The following C8B variants were observed in gnomAD, a reference collection of about 807,000 sequenced individuals.
C8B encodes the protein complement component C8 beta chain.
In C8B, 67 loss-of-function variants were observed where a neutral mutation model predicts 64.6. The observed-to-expected ratio is 1.04, with a 90% CI of 0.85 to 1.27. The LOEUF is 1.27. Among genes scored for constraint, C8B ranks in the 50% most tolerant of loss-of-function variants. The pLI is 0.00. For synonymous variants in C8B, 284 were observed against 257.7 expected (o/e 1.10, Z -0.98); for missense variants, 790 against 725.2 (o/e 1.09, Z -1.03).
Position 56,943,767 on chromosome 1 carries a change from GCAC to G in C8B, c.1160_1162del (p.Gly387del). 1 of 1,613,964 alleles carries G rather than the reference GCAC, an allele frequency of 6.2e-7. No individual in the cohort carries two copies. The highest frequency in any genetic ancestry group is 8.5e-7 in the Non-Finnish European group (1 of 1,179,918). Reference sequence around the variant, plus strand: ...CAGACTGACGTAGACCTCTTCAATGGCACCACCAATTTTAAAATCATTTTTGGC... The same window carrying G: ...CAGACTGACGTAGACCTCTTCAATGGCACCAATTTTAAAATCATTTTTGGC... On this transcript the variant is annotated inframe_deletion, in exon 8 of 12. Transcript: ENST00000371237.
At chr1:56,957,735 C>A (rs1645122831) in intron 2 of C8B, among the ~76,000 whole-genome samples, 1 of 152,110 alleles carries the variant, frequency 6.6e-6, no homozygotes, top group Admixed American at 6.5e-5. Context: ...ATTGTATCCC[C>A]TAGCCTGTTC....
rs1398395381 is a variant in C8B at position 56,945,820 on chromosome 1, C to T, written c.1105+1G>A. 25 of 1,613,986 alleles carry T rather than the reference C, an allele frequency of 1.5e-5. No homozygotes were observed. The highest frequency in any genetic ancestry group is 2.0e-5 in the Non-Finnish European group (24 of 1,180,012). The stretch of plus-strand genomic sequence containing the variant: ...AAGCCATGGTCCCTTGGGCAGTATA[C>T]CTCCTCTCTCCATGGCCTCTTTGTT... On this transcript the variant is annotated splice_donor_variant, in intron 7 of 11. Coordinates refer to ENST00000371237, the MANE Select transcript of C8B (RefSeq NM_000066.4). LOFTEE classifies it high-confidence loss of function.
intron 5 of C8B, among the ~76,000 whole-genome samples, chr1:56,950,443 C>A (rs1645003521): frequency 6.6e-6 from 1 of 152,206 alleles, no homozygotes. Context: ...TGCTCTAAAA[C>A]CAGTGTTCAT....
chr1:56,939,180 T>G (rs1438632225), intron 9 of C8B, among the ~76,000 whole-genome samples: 1 of 152,230 alleles, frequency 6.6e-6, no homozygotes, highest in East Asian at 1.9e-4. Flanking sequence ...GAAAAAGAGA[T>G]AAAGGCTAGG....
chr1:56,931,622 T>G, intron 11 of C8B, 188 bp downstream of exon 11: 1 of 577,520 alleles, frequency 1.7e-6, no homozygotes, highest in South Asian at 1.8e-5. Context: ...GTAAAAATAA[T>G]GAAATGCATA....
chr1:56,931,465 T>C (rs987157529), intron 11 of C8B: 3 of 336,380 alleles, frequency 8.9e-6, no homozygotes, highest in South Asian at 7.4e-5. Flanking sequence ...GAATTTTTTA[T>C]GGAGGAGGGG....
intron 6 of C8B, 27 bp downstream of exon 6, chr1:56,949,528 G>T: frequency 6.3e-7 from 1 of 1,584,902 alleles, no homozygotes; most frequent in Non-Finnish European, 8.7e-7. Context: ...CAACATATAC[G>T]TTTAAAAGCA....
At chr1:56,932,891 G>A (rs1644722695) in intron 10 of C8B, among the ~76,000 whole-genome samples, 1 of 152,076 alleles carries the variant, frequency 6.6e-6, no homozygotes, top group Admixed American at 6.5e-5. Flanking sequence ...ATCACAACAG[G>A]AGCATAAGAT....
At chr1:56,929,778 C>T (rs1447326502) in intron 11 of C8B, among the ~76,000 whole-genome samples, 1 of 152,184 alleles carries the variant, frequency 6.6e-6, no homozygotes, top group African/African-American at 2.4e-5. Context: ...CCCTCCTCTA[C>T]TCACCTGGTC....
chr1:56,953,468 C>A (rs1645055670), intron 4 of C8B, among the ~76,000 whole-genome samples: 1 of 152,126 alleles, frequency 6.6e-6, no homozygotes, highest in Admixed American at 6.5e-5. Context: ...ACTATTATCC[C>A]CATTTTGCAG....
At chr1:56,941,580 G>A (rs1055599762) in intron 8 of C8B, among the ~76,000 whole-genome samples, 2 of 152,180 alleles carry the variant, frequency 1.3e-5, no homozygotes, top group African/African-American at 4.8e-5. Flanking sequence ...CAGACAGGTA[G>A]ATGGATAGAT....
intron 9 of C8B, among the ~76,000 whole-genome samples, chr1:56,933,760 C>A (rs922436569): frequency 6.6e-6 from 1 of 152,180 alleles, no homozygotes; most frequent in African/African-American, 2.4e-5. Flanking sequence ...TCCCTACTCT[C>A]AAGGAACTCA....
intron 9 of C8B, among the ~76,000 whole-genome samples, chr1:56,936,032 A>G (rs1448311888): frequency 1.3e-5 from 2 of 151,890 alleles, no homozygotes; most frequent in African/African-American, 4.8e-5. Flanking sequence ...AATGTATTCA[A>G]CTCTTCTTCT....
chr1:56,952,300 C>T, intron 4 of C8B, 120 bp from the exon 5 acceptor site: 1 of 1,378,092 alleles, frequency 7.3e-7, no homozygotes, highest in South Asian at 1.2e-5. Flanking sequence ...GCCCTTGATA[C>T]CTGGTCCAAG....
In C8B at chr1:56,940,882, A is replaced by G. The variant is rs749798944; in HGVS notation, c.1365T>C (p.Ala455=). 4 of 1,613,934 alleles carry G rather than the reference A, an allele frequency of 2.5e-6. No homozygotes were observed. The Admixed American group carries it at 5.0e-5, about 20-fold the overall frequency. Residue 455 remains alanine, a synonymous_variant, in exon 9 of 12, where the codon GCT becomes GCC. Coordinates refer to ENST00000371237, the MANE Select transcript of C8B (RefSeq NM_000066.4). ...TADLMQEWGD[A]VQYNPAIIKV... is the part of the protein sequence containing the mutation. ...TGATGATGGCTGGGTTGTACTGCAC[A>G]GCGTCTCCCCACTCCTGCATCAGGT...
At position 56,965,907 on chromosome 1, in the gene C8B, C is replaced by A. The variant is rs768954077; in HGVS notation, c.42G>T (p.Glu14Asp). 3.1e-6 allele frequency: 5 copies of A among 1,613,878 alleles called. No individual in the cohort carries two copies. The highest frequency in any genetic ancestry group is 3.4e-6 in the Non-Finnish European group (4 of 1,180,028). ...SRTWAWRAPVELFLLCAALGC... is the reference protein window; with the variant it reads ...SRTWAWRAPVDLFLLCAALGC... ...CCAGGGCAGCACAGAGAAGAAATAG[C>A]TCCACCGGCGCCCTCCAAGCCCATG... Residue 14 changes from glutamate (E) to aspartate (D), a missense_variant, in exon 1 of 12, where the codon GAG becomes GAT. Transcript: ENST00000371237.
chr1:56,959,046 A>G (rs861361), intron 2 of C8B, among the ~76,000 whole-genome samples: 10,683 of 152,306 alleles, frequency 0.07, 486 homozygotes, highest in African/African-American at 0.12. Context: ...TCACTGGAAG[A>G]ACCCTATACA....
Position 56,939,789 on chromosome 1 carries a change from C to T in C8B, c.1398+1060G>A, listed in dbSNP as rs1478146169. Among the ~76,000 whole-genome samples the T allele has an allele frequency of 5.9e-5, 9 of 152,218 alleles. No homozygotes were observed. In the South Asian group the frequency reaches 6.2e-4, roughly 11 times the overall value. ...AGAAGTCAAAGTCTTTTGTTTGAAC[C>T]GAATAGACTCTTGAGCAGCCAAAGA... On this transcript the variant is annotated intron_variant, in intron 9 of 11. Coordinates refer to ENST00000371237, the MANE Select transcript of C8B (RefSeq NM_000066.4).
intron 10 of C8B, among the ~76,000 whole-genome samples, chr1:56,932,402 G>A (rs1022086288): frequency 2.0e-5 from 3 of 152,098 alleles, no homozygotes; most frequent in African/African-American, 7.2e-5. Context: ...CATAGGTCAG[G>A]CCCTGCAAGC....
Sources: gnomAD v4.1 joint callset for allele counts (sites outside exome capture counted in the v4.1 genomes callset) on GRCh38, gnomAD v4.1.1 for gene constraint, MANE v1.5 for transcripts, NCBI Gene and HGNC (gene_info 2026-07-23, HGNC 2026-07-21) for gene names.